The following ARHGEF10L variants were observed in gnomAD, a reference collection of about 807,000 sequenced individuals.
The protein encoded by ARHGEF10L is Rho guanine nucleotide exchange factor 10 like.
In ARHGEF10L, 69 loss-of-function variants were observed where a neutral mutation model predicts 141.2. The ratio of observed to expected loss-of-function variants is 0.49; its 90% CI spans 0.40 to 0.60. ARHGEF10L has a LOEUF of 0.60. ARHGEF10L is among the 20% of genes least tolerant of loss of function. The pLI is 0.00. For missense variants in ARHGEF10L, 1,482 were observed against 1,734.3 expected (o/e 0.85, Z 2.58); for synonymous variants, 711 against 718.5 (o/e 0.99, Z 0.17).
chr1:17,687,113 C>T (rs1419287347), intron 26 of ARHGEF10L, among the ~76,000 whole-genome samples: 1 of 152,136 alleles, frequency 6.6e-6, no homozygotes, highest in South Asian at 2.1e-4. Context: ...TCTCGGTTGC[C>T]TTTGTCACTT....
chr1:17,526,593 C>T, the ARHGEF10L span, among the ~76,000 whole-genome samples: 2 of 152,174 alleles, frequency 1.3e-5, no homozygotes, highest in Non-Finnish European at 2.9e-5. Context: ...GTTGCCCCAA[C>T]TCCCTGTTTC....
chr1:17,570,442 A>G (rs528610755), intron 1 of ARHGEF10L, among the ~76,000 whole-genome samples: 86 of 151,948 alleles, frequency 5.7e-4, no homozygotes, highest in Middle Eastern at 3.4e-3. Context: ...GCAAGTGCAA[A>G]GGCCCTGAGG....
intron 1 of ARHGEF10L, among the ~76,000 whole-genome samples, chr1:17,567,963 G>A (rs1454604340): frequency 6.6e-6 from 1 of 152,220 alleles, no homozygotes; most frequent in African/African-American, 2.4e-5. Flanking sequence ...AAAAGAGGAA[G>A]GGGCTGGGTG....
intron 6 of ARHGEF10L, among the ~76,000 whole-genome samples, chr1:17,605,571 A>G (rs2081094557): frequency 7.5e-6 from 1 of 133,526 alleles, no homozygotes; most frequent in East Asian, 2.2e-4. Context: ...GGGGACTTCA[A>G]CGGAAGGTGG....
Position 17,573,831 on chromosome 1 carries a change from T to C in ARHGEF10L, c.-43-6722T>C, listed in dbSNP as rs1381425370. Among the ~76,000 whole-genome samples the C allele has an allele frequency of 1.3e-5, 2 of 151,018 alleles. No individual in the cohort carries two copies. The highest frequency in any genetic ancestry group is 4.9e-5 in the African/African-American group (2 of 41,212). ...CACCAGGGGCTCCCTAGGAGGTCAG[T>C]GCGGGAGGGTGGGTGCCACCGACTC... On this transcript the variant is annotated intron_variant, in intron 1 of 28. Transcript: ENST00000361221. The surrounding 1 kb of genome is among the most constrained non-coding windows in gnomAD (Gnocchi z 4.8).
intron 26 of ARHGEF10L, among the ~76,000 whole-genome samples, chr1:17,667,080 A>G (rs2063031377): frequency 1.3e-5 from 2 of 152,180 alleles, no homozygotes; most frequent in Non-Finnish European, 2.9e-5. Context: ...CTGCTCTGCA[A>G]GCGGTCTCCT....
At position 17,624,519 on chromosome 1, in the gene ARHGEF10L, G is replaced by A; in HGVS notation, c.1317+16G>A. On this transcript the variant is annotated intron_variant, in intron 13 of 28. Transcript: ENST00000361221. ...GTTCCTCAAGGTGGGCCTCCATGGT[G>A]GTACCGTGCCTGGTCAGGGTGGGCA... is the stretch of plus-strand genomic sequence containing the variant. The A allele has an allele frequency of 6.2e-7, 1 of 1,604,582 alleles. No homozygotes were observed. Among genetic ancestry groups the A allele is most frequent in the East Asian group, 2.2e-5 (1 of 44,842 alleles).
Position 17,618,428 on chromosome 1 carries a change from C to A in ARHGEF10L, c.836-911C>A, listed in dbSNP as rs569967541. The A allele has an allele frequency of 3.8e-4, 586 of 1,528,524 alleles. 8 individuals carry two copies. In the South Asian group the frequency reaches 6.8e-3, roughly 18 times the overall value. 94.7% of individuals were successfully genotyped at this position (1,528,524 alleles called of 1,614,324 possible). ...GGTGGGTGCGGAGTGATGCCCGGGG[C>A]GTGATGTGGGCCCGGCAGGAGGGTC... On this transcript the variant is annotated intron_variant, in intron 9 of 28. Coordinates refer to ENST00000361221, the MANE Select transcript of ARHGEF10L (RefSeq NM_018125.4).
Position 17,616,342 on chromosome 1 carries a change from G to A in ARHGEF10L, c.835+140G>A, listed in dbSNP as rs886397233. The stretch of plus-strand genomic sequence containing the variant: ...TGGTTCCTCTGGTGGTGGGGGTTGG[G>A]GGCTGAGTCCCAAATATCCTGGTAG... On this transcript the variant is annotated intron_variant, in intron 9 of 28. Coordinates refer to ENST00000361221, the MANE Select transcript of ARHGEF10L (RefSeq NM_018125.4). 3.2e-5 allele frequency: 23 copies of A among 709,840 alleles called. No individual in the cohort carries two copies. In the South Asian group the frequency reaches 3.9e-4, roughly 12 times the overall value. The allele number at this position is 709,840 out of a possible 1,614,324, so 44.0% of individuals were successfully genotyped here.
At chr1:17,580,454 A>C in intron 1 of ARHGEF10L, 99 bp from the exon 2 acceptor site, 1 of 1,032,758 alleles carries the variant, frequency 9.7e-7, no homozygotes, top group Non-Finnish European at 1.5e-6. Context: ...TCTGAGAGCC[A>C]CTGGGCTGAA....
intron 21 of ARHGEF10L, among the ~76,000 whole-genome samples, chr1:17,643,862 A>G (rs535351944): frequency 5.5e-4 from 83 of 152,290 alleles, no homozygotes; most frequent in Admixed American, 2.2e-3. Context: ...GATTTAGTAC[A>G]GGGCCAGGAT....
At position 17,607,836 on chromosome 1, in the gene ARHGEF10L, C is replaced by G. The variant is rs1324284844; in HGVS notation, c.468C>G (p.His156Gln). 5 of 1,592,954 alleles carry G rather than the reference C, an allele frequency of 3.1e-6. No individual in the cohort carries two copies. Among genetic ancestry groups the G allele is most frequent in the Non-Finnish European group, 4.3e-6 (5 of 1,170,692 alleles). Residue 156 changes from histidine to glutamine, a missense_variant, in exon 7 of 29, where the codon CAC becomes CAG. His to Gln is a conservative substitution (Grantham distance 24). Around this residue, in one of 3 missense-constraint regions of ARHGEF10L, gnomAD observed 232 missense variants for 225.9 expected, o/e 1.03. Transcript: ENST00000361221. This position sits in a 1 kb window ranked among gnomAD's most constrained non-coding sequence, Gnocchi z 4.5. Reference protein sequence around the residue: ...AERNLLYEDAHRAGAPRQAED... With the variant: ...AERNLLYEDAQRAGAPRQAED... ...GGAACCTGCTCTACGAGGATGCGCA[C>G]CGGGCTGGGGCCCCTCGGCAGGCGG... is the stretch of plus-strand genomic sequence containing the variant.
At chr1:17,553,805 T>C (rs2077202244) in intron 1 of ARHGEF10L, among the ~76,000 whole-genome samples, 1 of 151,968 alleles carries the variant, frequency 6.6e-6, no homozygotes, top group African/African-American at 2.4e-5. Flanking sequence ...ATAAAAAATA[T>C]ATAGCTTAAT....
At chr1:17,659,916 G>A (rs1172617360) in intron 25 of ARHGEF10L, among the ~76,000 whole-genome samples, 1 of 152,230 alleles carries the variant, frequency 6.6e-6, no homozygotes, top group Non-Finnish European at 1.5e-5. Flanking sequence ...TGGAGGAATG[G>A]ACTGGCAGAG....
chr1:17,665,562 G>T (rs1270040732), intron 26 of ARHGEF10L, among the ~76,000 whole-genome samples: 1 of 152,152 alleles, frequency 6.6e-6, no homozygotes, highest in Admixed American at 6.5e-5. Flanking sequence ...GTTGTCGTTG[G>T]AGCCGGACCT....
intron 26 of ARHGEF10L, among the ~76,000 whole-genome samples, chr1:17,669,206 G>A (rs1174610835): frequency 6.6e-6 from 1 of 152,192 alleles, no homozygotes; most frequent in Admixed American, 6.5e-5. Flanking sequence ...AATGCTCCAA[G>A]CCAGGAGACC....
intron 13 of ARHGEF10L, among the ~76,000 whole-genome samples, chr1:17,624,938 G>A (rs926697095): frequency 2.0e-5 from 3 of 152,312 alleles, no homozygotes; most frequent in East Asian, 1.9e-4. Context: ...TAAAGGCTTC[G>A]AAAAGCTTCT....
At position 17,603,495 on chromosome 1, in the gene ARHGEF10L, A is replaced by C. The variant is rs111461054; in HGVS notation, c.350-13A>C. 226,138 of 1,609,346 alleles carry C rather than the reference A, an allele frequency of 0.14. 17,857 individuals are homozygous for C. Among genetic ancestry groups the C allele is most frequent in the African/African-American group, 0.33 (24,853 of 74,734 alleles). ...GCCCACGGTGGTGCTCTCTCTCCCC[A>C]CTTCCCTCCCAGTTGACCGGTTCAC... On this transcript the variant is annotated splice_polypyrimidine_tract_variant and intron_variant, in intron 5 of 28. Coordinates refer to ENST00000361221, the MANE Select transcript of ARHGEF10L (RefSeq NM_018125.4). This position sits in a 1 kb window ranked among gnomAD's most constrained non-coding sequence, Gnocchi z 4.8.
chr1:17,640,364 G>T (rs913545892), intron 21 of ARHGEF10L, 62 bp downstream of exon 21: 45 of 1,434,808 alleles, frequency 3.1e-5, no homozygotes, highest in African/African-American at 4.2e-5. Flanking sequence ...GAGGTTTGGG[G>T]TGAGTGAGGG....
Sources: gnomAD v4.1 joint callset for allele counts (sites outside exome capture counted in the v4.1 genomes callset) on GRCh38, gnomAD v4.1.1 for gene constraint, gnomAD v4.1.1 regional missense constraint, Gnocchi (gnomAD v3.1) non-coding constraint, MANE v1.5 for transcripts, NCBI Gene and HGNC (gene_info 2026-07-23, HGNC 2026-07-21) for gene names.